The following AKAP6 variants were observed in gnomAD, a reference collection of about 807,000 sequenced individuals.
AKAP6 encodes the protein A-kinase anchoring protein 6.
AKAP6 carries 58 observed loss-of-function variants against 188.5 expected under a neutral mutation model. The observed-to-expected ratio is 0.31, with a 90% CI of 0.25 to 0.38. The LOEUF (loss-of-function observed/expected upper bound fraction) is 0.38, where lower values mean the gene tolerates loss of function less well. Ranked by LOEUF, AKAP6 falls within the 10% of genes least tolerant of loss-of-function variation. AKAP6 has a pLI of 1.00. For synonymous variants in AKAP6, 989 were observed against 998.6 expected, an observed-to-expected ratio of 0.99 and a Z score of 0.18; for missense variants, 2,710 against 2,740.0, an observed-to-expected ratio of 0.99 and a Z score of 0.24.
intron 13 of AKAP6, among the ~76,000 whole-genome samples, chr14:32,827,644 G>A (rs1481379324): frequency 2.0e-5 from 3 of 152,126 alleles, no homozygotes; most frequent in African/African-American, 4.8e-5. Context: ...GTCAGTTACA[G>A]CAAATCACAT....
At chr14:32,762,167 A>G (rs763163386) in intron 11 of AKAP6, among the ~76,000 whole-genome samples, 1 of 152,050 alleles carries the variant, frequency 6.6e-6, no homozygotes, top group Non-Finnish European at 1.5e-5. Flanking sequence ...TATAATTGCA[A>G]TCTATTTGAG....
At chr14:32,654,683 G>GAA (rs200664269) in intron 7 of AKAP6, among the ~76,000 whole-genome samples, 64 of 130,384 alleles carry the variant, frequency 4.9e-4, no homozygotes, top group African/African-American at 1.7e-3. Context: ...TGTCTCTACT[G>GAA]AAAAAAAAAA....
In AKAP6 at chr14:32,822,320, T is replaced by C. The variant is rs2034548485; in HGVS notation, c.4507T>C (p.Tyr1503His). The change falls in exon 13 of 14, where the codon TAT becomes CAT. Residue 1503 changes from tyrosine (Y) to histidine (H), a missense_variant. Tyr to His is a moderately conservative substitution (Grantham distance 83). Around this residue, in one of 2 missense-constraint regions of AKAP6, gnomAD observed 2,473 missense variants for 2,426.1 expected, o/e 1.02. Transcript: ENST00000280979. Reference protein sequence around the residue: ...HVEDPLLRGFYFDKKSCKSKH... With the variant: ...HVEDPLLRGFHFDKKSCKSKH... ...GGAGGATCCCCTGCTTCGTGGTTTT[T>C]ATTTTGATAAAAAATCATGCAAATC... 6.2e-7 allele frequency: 1 copy of C among 1,613,982 alleles called. No homozygotes were observed. Among genetic ancestry groups the C allele is most frequent in the East Asian group, 2.2e-5 (1 of 44,878 alleles).
rs1426192132 is a variant in AKAP6 at position 32,352,081 on chromosome 14, GTGTGTGTGTGTGTGTGTGTGTT to G, written c.-35+22695_-35+22716del. 3.2e-3 allele frequency among the ~76,000 whole-genome samples: 348 copies of G among 110,456 alleles called. 1 individual carries two copies. Among genetic ancestry groups the G allele is most frequent in the South Asian group, 0.023 (62 of 2,684 alleles). 72.5% of individuals were successfully genotyped at this position (110,456 alleles called of 152,430 possible). Reference sequence around the variant, plus strand: ...TAGTCTTGGGAGACCCTGTGTGTGTGTGTGTGTGTGTGTGTGTGTGTTTGTGTGTGTGTGTGTGTGTGTGTGT... The same window carrying G: ...TAGTCTTGGGAGACCCTGTGTGTGTGTGTGTGTGTGTGTGTGTGTGTGTGT... On this transcript the variant is annotated intron_variant, in intron 1 of 13. Coordinates refer to ENST00000280979, the MANE Select transcript of AKAP6 (RefSeq NM_004274.5).
chr14:32,356,592 T>C (rs1887492788), intron 1 of AKAP6, among the ~76,000 whole-genome samples: 1 of 152,200 alleles, frequency 6.6e-6, no homozygotes, highest in African/African-American at 2.4e-5. Flanking sequence ...ATGGGAATCT[T>C]CAATGACTCT....
chr14:32,801,034 T>G (rs1461383904), intron 12 of AKAP6, among the ~76,000 whole-genome samples: 1 of 151,998 alleles, frequency 6.6e-6, no homozygotes, highest in Non-Finnish European at 1.5e-5. Flanking sequence ...AATAAATAAA[T>G]AAAAAGTGAG....
chr14:32,500,422 T>C (rs1350986458), intron 2 of AKAP6, among the ~76,000 whole-genome samples: 2 of 152,184 alleles, frequency 1.3e-5, no homozygotes, highest in African/African-American at 2.4e-5. Context: ...GATAATACAA[T>C]AGTGAACCAA....
chr14:32,670,973 G>A (rs1889164495), intron 7 of AKAP6, among the ~76,000 whole-genome samples: 1 of 152,064 alleles, frequency 6.6e-6, no homozygotes, highest in African/African-American at 2.4e-5. Context: ...GCTGTGCTGG[G>A]TGCTAGGGAT....
chr14:32,435,070 C>T (rs1890336653), intron 2 of AKAP6, among the ~76,000 whole-genome samples: 2 of 152,204 alleles, frequency 1.3e-5, no homozygotes. Context: ...AGTGATTTGA[C>T]TCAGTCTGTG....
Position 32,520,482 on chromosome 14 carries a change from C to T in AKAP6, c.325-15072C>T, listed in dbSNP as rs147608833. ...AATAAACAAGAAAAGAGAGAAGAAT[C>T]GAATAGGCACAATAAAAAATGATAA... On this transcript the variant is annotated intron_variant, in intron 2 of 13. Transcript: ENST00000280979. Among the ~76,000 whole-genome samples the T allele has an allele frequency of 9.5e-3, 1,443 of 152,114 alleles. 16 individuals carry two copies. The highest frequency in any genetic ancestry group is 0.033 in the African/African-American group (1,373 of 41,482).
At chr14:32,569,095 G>A (rs1884341429) in intron 4 of AKAP6, among the ~76,000 whole-genome samples, 2 of 152,086 alleles carry the variant, frequency 1.3e-5, no homozygotes, top group Non-Finnish European at 2.9e-5. Flanking sequence ...AAGAAATTGT[G>A]GATTCAGTGT....
chr14:32,539,945 T>C (rs1409157736), intron 3 of AKAP6, among the ~76,000 whole-genome samples: 1 of 151,888 alleles, frequency 6.6e-6, no homozygotes. Context: ...GGACTCATGA[T>C]CTCCGCATCT....
rs374446704 is a variant in AKAP6 at position 32,415,898 on chromosome 14, C to T, written c.-34-17562C>T. On this transcript the variant is annotated intron_variant, in intron 1 of 13. Transcript: ENST00000280979. ...TTTTTAAGGCTGAATAATATTCTGT[C>T]GTATGTATATACCAGATTTTGCTTA... Among the ~76,000 whole-genome samples the T allele has an allele frequency of 5.9e-5, 9 of 152,206 alleles. No homozygotes were observed. In the East Asian group the frequency reaches 1.4e-3, roughly 23 times the overall value.
At chr14:32,566,442 T>C (rs1233514514) in intron 4 of AKAP6, among the ~76,000 whole-genome samples, 1 of 152,134 alleles carries the variant, frequency 6.6e-6, no homozygotes, top group Non-Finnish European at 1.5e-5. Context: ...AATAGGAGAC[T>C]CAAGATTAAA....
rs146142041 is a variant in AKAP6, at chr14:32,515,423, C to T, written c.325-20131C>T. Among the ~76,000 whole-genome samples, 715 of 152,222 alleles carry T rather than the reference C, an allele frequency of 4.7e-3. 2 individuals carry two copies. The highest frequency in any genetic ancestry group is 9.1e-3 in the East Asian group (47 of 5,172). On this transcript the variant is annotated intron_variant, in intron 2 of 13. Transcript: ENST00000280979. ...ACTGGAACTCAAGTCTTCTGATTCT[C>T]ACTTAGTACTCGTTCTACTACTTGG...
At chr14:32,486,627 T>C (rs947126685) in intron 2 of AKAP6, among the ~76,000 whole-genome samples, 3 of 152,234 alleles carry the variant, frequency 2.0e-5, no homozygotes, top group Admixed American at 6.5e-5. Flanking sequence ...TGTCTGTTGT[T>C]GTTGTATAGG....
At chr14:32,360,795 G>A (rs1197439864) in intron 1 of AKAP6, among the ~76,000 whole-genome samples, 2 of 150,498 alleles carry the variant, frequency 1.3e-5, no homozygotes, top group Non-Finnish European at 3.0e-5. Flanking sequence ...ACCCAGGCTG[G>A]AGTGCAGTGG....
chr14:32,776,260 G>A (rs1219732240), intron 12 of AKAP6, among the ~76,000 whole-genome samples: 3 of 152,106 alleles, frequency 2.0e-5, no homozygotes, highest in Admixed American at 2.0e-4. Context: ...GTTATGGGAG[G>A]GACCGAGTGG....
In AKAP6 at chr14:32,832,648, C is replaced by T. The variant is rs906844393; in HGVS notation, c.*2843C>T. 3 of 152,208 alleles carry T rather than the reference C, an allele frequency of 2.0e-5. No homozygotes were observed. The highest frequency in any genetic ancestry group is 7.2e-5 in the African/African-American group (3 of 41,438). The allele number at this position is 152,208 out of a possible 1,614,324, so 9.4% of individuals were successfully genotyped here. A position where few individuals can be genotyped will look rare whatever the true frequency, so the allele number is the denominator to read the frequency against. ...CTACACACTTCCAGTGATAGTGGCT[C>T]ATTGTCTGTTAAGGCAAACTGTTCC... On this transcript the variant is annotated 3_prime_UTR_variant, in exon 14 of 14. Transcript: ENST00000280979.
Sources: allele counts gnomAD v4.1 joint callset (sites outside exome capture counted in the v4.1 genomes callset), GRCh38; gene constraint gnomAD v4.1.1; regional missense constraint gnomAD v4.1.1; transcripts MANE v1.5; gene names NCBI Gene and HGNC (gene_info 2026-07-23, HGNC 2026-07-21).